Variants in FTCDNL1 observed in about 807,000 individuals in gnomAD.
FTCDNL1 encodes formiminotransferase cyclodeaminase N-terminal like, also known as formiminotransferase N-terminal subdomain-containing protein.
Under a neutral mutation model 5.9 loss-of-function variants are expected in FTCDNL1, and 11 were observed. The ratio of observed to expected loss-of-function variants is 1.87; its 90% CI spans 1.18 to 3.10. The LOEUF (loss-of-function observed/expected upper bound fraction) is 3.10. FTCDNL1 is among the 30% of genes most tolerant of loss of function. The pLI, the probability that FTCDNL1 is intolerant of heterozygous loss-of-function variation, is 0.00. For missense variants in FTCDNL1, 115 were observed against 65.5 expected, an observed-to-expected ratio of 1.76 and a Z score of -2.61; for synonymous variants, 58 against 24.8, an observed-to-expected ratio of 2.34 and a Z score of -3.99.
chr2:199,849,084 A>G (rs745350369), intron 1 of FTCDNL1, 115 bp from the exon 2 acceptor site: 1 of 608,876 alleles, frequency 1.6e-6, no homozygotes, highest in Non-Finnish European at 2.9e-6. Context: ...TGAGCACTTT[A>G]CTATTTCATT....
the FTCDNL1 span, among the ~76,000 whole-genome samples, chr2:199,672,247 T>C: frequency 1.3e-5 from 2 of 152,170 alleles, no homozygotes; most frequent in African/African-American, 4.8e-5. Context: ...AGTTCTGAAG[T>C]TTCATATTCA....
At chr2:199,684,820 T>C in the FTCDNL1 span, among the ~76,000 whole-genome samples, 1 of 152,242 alleles carries the variant, frequency 6.6e-6, no homozygotes, top group Admixed American at 6.5e-5. Context: ...AGTCTCTTTC[T>C]GGAAATTATA....
downstream of FTCDNL1, among the ~76,000 whole-genome samples, chr2:199,759,908 A>ACAAT (rs1163068127): frequency 6.6e-6 from 1 of 152,242 alleles, no homozygotes; most frequent in African/African-American, 2.4e-5. Flanking sequence ...ACTGGTCCAG[A>ACAAT]CAATAATCAT....
the FTCDNL1 span, among the ~76,000 whole-genome samples, chr2:199,736,870 T>C: frequency 1.3e-5 from 2 of 152,070 alleles, no homozygotes; most frequent in African/African-American, 4.8e-5. Flanking sequence ...GGTTGAAGGG[T>C]TGTTTGATTG....
chr2:199,843,916 T>C (rs2076659212), intron 3 of FTCDNL1, among the ~76,000 whole-genome samples: 1 of 150,752 alleles, frequency 6.6e-6, no homozygotes. Context: ...AGTTCAGCTC[T>C]AAAGAAAATC....
intron 4 of FTCDNL1, among the ~76,000 whole-genome samples, chr2:199,814,412 C>A (rs1286954117): frequency 6.6e-6 from 1 of 152,236 alleles, no homozygotes; most frequent in African/African-American, 2.4e-5. Flanking sequence ...CTGCTCAGCT[C>A]TCTTTCTGTA....
chr2:199,669,076 C>T, the FTCDNL1 span, among the ~76,000 whole-genome samples: 11 of 151,978 alleles, frequency 7.2e-5, no homozygotes, highest in African/African-American at 2.2e-4. Context: ...ATTTATTTCG[C>T]GGGTTTGGGG....
At chr2:199,760,577 C>A (rs1432839276) in exon 4 of FTCDNL1, 5 of 499,484 alleles carry the variant, frequency 1.0e-5, no homozygotes, top group Non-Finnish European at 1.8e-5. Flanking sequence ...TATTGTATAT[C>A]TTTAAAATGA....
chr2:199,759,005 T>G (rs530561426), downstream of FTCDNL1, among the ~76,000 whole-genome samples: 2 of 151,804 alleles, frequency 1.3e-5, no homozygotes, highest in South Asian at 4.2e-4. Flanking sequence ...AAGAACAAAA[T>G]GTACAGTGTA....
chr2:199,845,955 C>A, intron 3 of FTCDNL1, 120 bp downstream of exon 3: 1 of 479,814 alleles, frequency 2.1e-6, no homozygotes, highest in Non-Finnish European at 3.7e-6. Flanking sequence ...TTGTGGTAGA[C>A]TCTTTACTTA....
the FTCDNL1 span, among the ~76,000 whole-genome samples, chr2:199,726,148 C>T: frequency 1.3e-5 from 2 of 152,270 alleles, no homozygotes; most frequent in African/African-American, 4.8e-5. Context: ...TCTTCAAGCT[C>T]TGAGATTCTC....
At chr2:199,681,779 T>C in the FTCDNL1 span, among the ~76,000 whole-genome samples, 1 of 152,176 alleles carries the variant, frequency 6.6e-6, no homozygotes, top group Non-Finnish European at 1.5e-5. Context: ...TTAAATAACA[T>C]ACAAATTGTT....
the FTCDNL1 span, among the ~76,000 whole-genome samples, chr2:199,713,350 G>C: frequency 1.3e-5 from 2 of 152,060 alleles, no homozygotes; most frequent in African/African-American, 4.8e-5. Context: ...AAGGAACAAA[G>C]GACAATGATC....
chr2:199,848,516 T>C (rs2076789525), intron 2 of FTCDNL1, among the ~76,000 whole-genome samples: 1 of 152,214 alleles, frequency 6.6e-6, no homozygotes, highest in South Asian at 2.1e-4. Flanking sequence ...AAACGACCCA[T>C]GAGGGAAACA....
At chr2:199,664,698 A>T in the FTCDNL1 span, among the ~76,000 whole-genome samples, 7 of 152,252 alleles carry the variant, frequency 4.6e-5, no homozygotes, top group Non-Finnish European at 1.0e-4. Context: ...AAGCCAAAGA[A>T]TATGCCAAAA....
chr2:199,685,723 T>C, the FTCDNL1 span, among the ~76,000 whole-genome samples: 1 of 152,366 alleles, frequency 6.6e-6, no homozygotes, highest in South Asian at 2.1e-4. Flanking sequence ...ACCTGGTTTA[T>C]AAATCCAGGA....
At chr2:199,765,687 G>A (rs781634868) in intron 3 of FTCDNL1, among the ~76,000 whole-genome samples, 14 of 150,514 alleles carry the variant, frequency 9.3e-5, no homozygotes, top group Non-Finnish European at 1.8e-4. Flanking sequence ...GACCACAGGC[G>A]TACACTATCA....
chr2:199,839,365 G>A (rs940802877), intron 3 of FTCDNL1, among the ~76,000 whole-genome samples: 10 of 152,190 alleles, frequency 6.6e-5, no homozygotes, highest in African/African-American at 2.4e-4. Flanking sequence ...AAAAACTTAT[G>A]GAAGGCTGGG....
chr2:199,681,825 G>A, the FTCDNL1 span, among the ~76,000 whole-genome samples: 5 of 151,896 alleles, frequency 3.3e-5, no homozygotes, highest in African/African-American at 4.8e-5. Flanking sequence ...ATGTAGCGTC[G>A]TCATTCCAAA....
Sources: gnomAD v4.1 joint callset for allele counts (sites outside exome capture counted in the v4.1 genomes callset) on GRCh38, gnomAD v4.1.1 for gene constraint, MANE v1.5 for transcripts, NCBI Gene and HGNC (gene_info 2026-07-23, HGNC 2026-07-21) for gene names.